The following OVCH2 variants were observed in gnomAD, a reference collection of about 807,000 sequenced individuals.
OVCH2 encodes the protein ovochymase-2.
In OVCH2, 88 loss-of-function variants were observed where a neutral mutation model predicts 73.7. The ratio of observed to expected loss-of-function variants is 1.19; its 90% CI spans 1.01 to 1.43. The LOEUF (loss-of-function observed/expected upper bound fraction) is 1.43, where lower values mean the gene tolerates loss of function less well. OVCH2 is among the 40% of genes most tolerant of loss of function. The probability of loss-of-function intolerance (pLI) is 0.00; values close to 1 mark genes in which losing one functional copy is unlikely to be tolerated. For missense variants in OVCH2, 706 were observed against 674.5 expected, an observed-to-expected ratio of 1.05 and a Z score of -0.52; for synonymous variants, 265 against 234.5, an observed-to-expected ratio of 1.13 and a Z score of -1.19.
chr11:7,680,083 G>T, the OVCH2 span, among the ~76,000 whole-genome samples: 11 of 152,166 alleles, frequency 7.2e-5, no homozygotes, highest in Non-Finnish European at 1.6e-4. Context: ...TGAATTATAT[G>T]AGCAACTCCA....
Position 7,691,314 on chromosome 11 carries a change from T to A in OVCH2, c.1594A>T (p.Thr532Ser). 1 of 1,613,768 alleles carries A rather than the reference T, an allele frequency of 6.2e-7. No individual in the cohort carries two copies. The highest frequency in any genetic ancestry group is 8.5e-7 in the Non-Finnish European group (1 of 1,179,822). The change falls in exon 14 of 16, where the codon ACC becomes TCC. Residue 532 changes from threonine to serine, a missense_variant. By Grantham distance (58) the Thr-to-Ser change is moderately conservative. Coordinates refer to ENST00000533663, the MANE Select transcript of OVCH2 (RefSeq NM_198185.7). ...LISFQSDENG[T>S]CRGFQATVSF... ...ACTGTAGCCTGAAAGCCCCTGCAGGTCCCGTTTTCATCTGATTGGAAGCTG... is the reference window on the plus strand; with the variant it reads ...ACTGTAGCCTGAAAGCCCCTGCAGGACCCGTTTTCATCTGATTGGAAGCTG...
At chr11:7,699,940 T>TG (rs1327819364) in intron 7 of OVCH2, 1 of 110,706 alleles carries the variant, frequency 9.0e-6, no homozygotes, top group Non-Finnish European at 1.6e-5. Context: ...GTTTGCTGGA[T>TG]TTTTTTGAGA....
At position 7,689,869 on chromosome 11, in the gene OVCH2, G is replaced by A. The variant is rs568212727; in HGVS notation, c.*31+55C>T. 406 of 1,097,494 alleles carry A rather than the reference G, an allele frequency of 3.7e-4. 1 individual carries two copies. Among genetic ancestry groups the A allele is most frequent in the Non-Finnish European group, 4.8e-4 (358 of 747,966 alleles). The allele number at this position is 1,097,494 out of a possible 1,614,324, so 68.0% of individuals were successfully genotyped here. A position where few individuals can be genotyped will look rare whatever the true frequency, so the allele number is the denominator to read the frequency against. ...TTAAATCCATATCACCTGCTTCTCCGGTTGAACCCTGGATTATACTCTGTG... is the reference window on the plus strand; with the variant it reads ...TTAAATCCATATCACCTGCTTCTCCAGTTGAACCCTGGATTATACTCTGTG... On this transcript the variant is annotated intron_variant, in intron 15 of 15. Coordinates refer to ENST00000533663, the MANE Select transcript of OVCH2 (RefSeq NM_198185.7).
chr11:7,701,090 C>A (rs776847986), intron 6 of OVCH2, among the ~76,000 whole-genome samples: 1 of 152,140 alleles, frequency 6.6e-6, no homozygotes, highest in Non-Finnish European at 1.5e-5. Flanking sequence ...CTTCCTGCAG[C>A]CCCTCACCTG....
chr11:7,685,610 G>T (rs12274668), downstream of OVCH2, among the ~76,000 whole-genome samples: 1 of 128,556 alleles, frequency 7.8e-6, no homozygotes. Flanking sequence ...CTAATTTGAT[G>T]TTTCCACTTG....
rs747191981 is a variant in OVCH2, at chr11:7,695,125, G to A, written c.1346C>T (p.Pro449Leu). 17 of 1,554,518 alleles carry A rather than the reference G, an allele frequency of 1.1e-5. 1 individual carries two copies. The South Asian group carries it at 2.0e-4, about 18-fold the overall frequency. ...EEGLIQSLNYPENYSDKANCD... is the reference protein window; with the variant it reads ...EEGLIQSLNYLENYSDKANCD... ...GTTAGCCTTGTCACTGTAGTTTTCA[G>A]GATAGTTTAGACTCTGTATGAGACC... is the stretch of plus-strand genomic sequence containing the variant. The change falls in exon 12 of 16, where the codon CCT becomes CTT. Residue 449 changes from proline to leucine, a missense_variant. Pro to Leu is a moderately conservative substitution (Grantham distance 98). Transcript: ENST00000533663.
At chr11:7,684,487 T>C (rs74054110), downstream of OVCH2, among the ~76,000 whole-genome samples, 5,616 of 143,460 alleles carry the variant, frequency 0.039, 168 homozygotes, top group African/African-American at 0.079. Flanking sequence ...TATATATATA[T>C]ACACACACAT....
rs1016256057 is a variant in OVCH2, at chr11:7,695,722, GA to G, written c.1142-13del. On this transcript the variant is annotated splice_polypyrimidine_tract_variant and intron_variant, in intron 10 of 15. Transcript: ENST00000533663. ...TCCACAAAATTTTCCTGCAGGATGA[GA>G]AAAAAGGATTCTTTGTTCAGAATCT... The G allele has an allele frequency of 6.3e-7, 1 of 1,588,648 alleles. No homozygotes were observed. Among genetic ancestry groups the G allele is most frequent in the Non-Finnish European group, 8.5e-7 (1 of 1,173,014 alleles).
At chr11:7,686,292 C>A (rs1247778754), downstream of OVCH2, among the ~76,000 whole-genome samples, 1 of 152,090 alleles carries the variant, frequency 6.6e-6, no homozygotes, top group Non-Finnish European at 1.5e-5. Flanking sequence ...TGATTCTTAC[C>A]TCTTAGGGTC....
intron 6 of OVCH2, among the ~76,000 whole-genome samples, chr11:7,700,831 A>C (rs1856423738): frequency 6.6e-6 from 1 of 152,226 alleles, no homozygotes; most frequent in South Asian, 2.1e-4. Context: ...AAAAGTGTAA[A>C]GTTCCCAACA....
intron 12 of OVCH2, 114 bp downstream of exon 12, chr11:7,694,944 A>G (rs1440039940): frequency 4.9e-6 from 6 of 1,230,184 alleles, no homozygotes; most frequent in African/African-American, 1.6e-5. Flanking sequence ...GCTGGGTTCT[A>G]GGTACTGAAA....
intron 14 of OVCH2, among the ~76,000 whole-genome samples, chr11:7,690,509 T>C (rs61888823): frequency 0.17 from 13,293 of 78,558 alleles, 760 homozygotes; most frequent in Admixed American, 0.23. Flanking sequence ...CTAGTAATGA[T>C]TGGCCATCAG....
downstream of OVCH2, among the ~76,000 whole-genome samples, chr11:7,689,197 C>G (rs972922032): frequency 6.6e-6 from 1 of 152,176 alleles, no homozygotes; most frequent in Non-Finnish European, 1.5e-5. Flanking sequence ...CTGGGTGAAC[C>G]TGACTTGATT....
At chr11:7,682,043 A>T in the OVCH2 span, among the ~76,000 whole-genome samples, 1 of 107,364 alleles carries the variant, frequency 9.3e-6, no homozygotes, top group Non-Finnish European at 2.0e-5. Flanking sequence ...AAGCAAAACA[A>T]GTGAAAATAG....
intron 1 of OVCH2, 106 bp from the exon 2 acceptor site, chr11:7,704,780 T>G (rs1856503489): frequency 1.5e-6 from 1 of 675,816 alleles, no homozygotes; most frequent in Admixed American, 2.9e-5. Flanking sequence ...TGGTGTATGG[T>G]GCTCAGCACA....
At chr11:7,694,803 C>T (rs1287373638) in intron 12 of OVCH2, among the ~76,000 whole-genome samples, 5 of 108,378 alleles carry the variant, frequency 4.6e-5, no homozygotes, top group East Asian at 2.8e-4. Context: ...TAAAGCGGCA[C>T]TTTTTTTTTT....
intron 11 of OVCH2, 72 bp from the exon 12 acceptor site, chr11:7,695,260 T>C: frequency 6.9e-7 from 1 of 1,451,106 alleles, no homozygotes; most frequent in East Asian, 2.5e-5. Context: ...CTCTCCCTCC[T>C]GTCTCCTGAA....
chr11:7,704,711 G>A, intron 1 of OVCH2, 37 bp from the exon 2 acceptor site: 2 of 1,407,526 alleles, frequency 1.4e-6, no homozygotes, highest in Non-Finnish European at 2.0e-6. Flanking sequence ...TGATTAGATA[G>A]CTTCTAGGAT....
Position 7,700,312 on chromosome 11 carries a change from G to A in OVCH2, c.885C>T (p.His295=), listed in dbSNP as rs760208869. ...CTTAGTTACCAGTTTGGATGTGTTCGTGGATCCAGGGAAGCACTTTACTAA... is the reference window on the plus strand; with the variant it reads ...CTTAGTTACCAGTTTGGATGTGTTCATGGATCCAGGGAAGCACTTTACTAA... ...TDISKVLPWI[H]EHIQTGNRRK... is the part of the protein sequence containing the mutation. The change falls in exon 7 of 16, where the codon CAC becomes CAT. Residue 295 remains histidine (H), a synonymous_variant. Transcript: ENST00000533663. The A allele has an allele frequency of 1.3e-5, 21 of 1,613,570 alleles. No homozygotes were observed. Among genetic ancestry groups the A allele is most frequent in the South Asian group, 3.3e-5 (3 of 91,052 alleles).
Sources: allele counts gnomAD v4.1 joint callset (sites outside exome capture counted in the v4.1 genomes callset), GRCh38; gene constraint gnomAD v4.1.1; transcripts MANE v1.5; gene names NCBI Gene and HGNC (gene_info 2026-07-23, HGNC 2026-07-21).